Variants in SSH2 observed in about 807,000 individuals in gnomAD.
SSH2 encodes the protein protein phosphatase Slingshot homolog 2.
In SSH2, 37 loss-of-function variants were observed where a neutral mutation model predicts 135.2. The observed-to-expected ratio is 0.27, with a 90% confidence interval of 0.21 to 0.36. The LOEUF (loss-of-function observed/expected upper bound fraction) is 0.36. Among genes scored for constraint, SSH2 ranks in the 10% least tolerant of loss-of-function variants. The pLI is 1.00. For synonymous variants in SSH2, 628 were observed against 646.2 expected (o/e 0.97, Z 0.43); for missense variants, 1,408 against 1,765.3 (o/e 0.80, Z 3.63).
At chr17:29,880,788 T>C (rs1599135006) in intron 1 of SSH2, among the ~76,000 whole-genome samples, 2 of 152,200 alleles carry the variant, frequency 1.3e-5, no homozygotes, top group Admixed American at 6.5e-5. Context: ...TACCTCATAT[T>C]TGAGTAATAC....
intron 13 of SSH2, among the ~76,000 whole-genome samples, chr17:29,650,394 G>A (rs1261884059): frequency 9.9e-5 from 15 of 152,016 alleles, no homozygotes; most frequent in Admixed American, 9.8e-4. Flanking sequence ...TGTATCTTTT[G>A]CTGCAGTTTA....
intron 11 of SSH2, among the ~76,000 whole-genome samples, 175 bp downstream of exon 11, chr17:29,666,692 C>T (rs2037294139): frequency 6.6e-6 from 1 of 152,150 alleles, no homozygotes. Context: ...CACACGCACA[C>T]ACACACTAAA....
At chr17:29,647,335 G>C (rs2150993991) in intron 14 of SSH2, among the ~76,000 whole-genome samples, 1 of 151,100 alleles carries the variant, frequency 6.6e-6, no homozygotes, top group African/African-American at 2.4e-5. Flanking sequence ...CTGGGTGACA[G>C]AGTGAGACCC....
intron 2 of SSH2, among the ~76,000 whole-genome samples, chr17:29,800,854 CTTTTTTTCTTTT>C (rs956460127): frequency 9.4e-5 from 14 of 149,376 alleles, no homozygotes; most frequent in East Asian, 3.9e-4. Flanking sequence ...ACCATTAAGT[CTTTTTTTCTTTT>C]TTTTTTTCTT....
intron 5 of SSH2, among the ~76,000 whole-genome samples, chr17:29,695,084 CCTT>C (rs2038671901): frequency 6.6e-6 from 1 of 152,120 alleles, no homozygotes; most frequent in South Asian, 2.1e-4. Context: ...TTCACTCCCT[CCTT>C]GTCCTTCCCT....
intron 11 of SSH2, among the ~76,000 whole-genome samples, chr17:29,666,321 C>T (rs1362910510): frequency 6.6e-6 from 1 of 152,014 alleles, no homozygotes; most frequent in Non-Finnish European, 1.5e-5. Flanking sequence ...TTGCACTGAG[C>T]TGAGACTGTG....
intron 12 of SSH2, among the ~76,000 whole-genome samples, chr17:29,651,005 G>A (rs1393835086): frequency 6.6e-6 from 1 of 152,038 alleles, no homozygotes; most frequent in Non-Finnish European, 1.5e-5. Flanking sequence ...TGGGCACCAG[G>A]GAATTATTAA....
At chr17:29,776,982 C>T (rs970708165) in intron 3 of SSH2, among the ~76,000 whole-genome samples, 5 of 152,102 alleles carry the variant, frequency 3.3e-5, no homozygotes, top group African/African-American at 7.2e-5. Flanking sequence ...GAGGCTGAGG[C>T]GGGCAGATCA....
chr17:29,670,066 G>C (rs1052807078), intron 9 of SSH2, among the ~76,000 whole-genome samples: 1 of 151,950 alleles, frequency 6.6e-6, no homozygotes, highest in Non-Finnish European at 1.5e-5. Context: ...ATTTTTAGTA[G>C]AGACGGGGTT....
At chr17:29,867,921 G>A (rs910652427) in intron 1 of SSH2, among the ~76,000 whole-genome samples, 1 of 152,140 alleles carries the variant, frequency 6.6e-6, no homozygotes, top group South Asian at 2.1e-4. Context: ...GCTGAACTGG[G>A]GGTAAAGTGA....
At chr17:29,684,832 A>G in intron 5 of SSH2, 148 bp from the exon 6 acceptor site, 1 of 615,684 alleles carries the variant, frequency 1.6e-6, no homozygotes, top group Non-Finnish European at 2.6e-6. Context: ...CTCAGCTCGT[A>G]CACTAGCTAT....
chr17:29,792,618 A>C (rs1267253693), intron 3 of SSH2, among the ~76,000 whole-genome samples: 1 of 152,220 alleles, frequency 6.6e-6, no homozygotes, highest in Non-Finnish European at 1.5e-5. Flanking sequence ...TGTAGTTTAC[A>C]AGAAGGAGGT....
chr17:29,891,968 T>A (rs2066357803), intron 1 of SSH2, among the ~76,000 whole-genome samples: 1 of 152,140 alleles, frequency 6.6e-6, no homozygotes, highest in Admixed American at 6.5e-5. Flanking sequence ...AGAAGCTTTA[T>A]AAAATTAGGA....
At chr17:29,729,727 T>C (rs2040116665) in intron 3 of SSH2, among the ~76,000 whole-genome samples, 1 of 152,198 alleles carries the variant, frequency 6.6e-6, no homozygotes, top group Non-Finnish European at 1.5e-5. Context: ...GTCCTGTCTT[T>C]TGCAACAACA....
chr17:29,649,085 G>C (rs936665282), intron 13 of SSH2, among the ~76,000 whole-genome samples: 1 of 151,732 alleles, frequency 6.6e-6, no homozygotes, highest in African/African-American at 2.4e-5. Context: ...AGGTTGCAGT[G>C]AGCCGAGATG....
chr17:29,766,081 T>TTTA (rs927509409), intron 3 of SSH2, among the ~76,000 whole-genome samples: 2 of 121,648 alleles, frequency 1.6e-5, no homozygotes, highest in Non-Finnish European at 3.8e-5. Context: ...CAAATTCAAA[T>TTTA]TTATTATTAT....
chr17:29,831,487 A>G (rs2042842890), intron 2 of SSH2, among the ~76,000 whole-genome samples: 1 of 152,222 alleles, frequency 6.6e-6, no homozygotes. Flanking sequence ...TTAAGTCTAA[A>G]GTGAATTTTA....
chr17:29,885,715 G>A (rs2066225587), intron 1 of SSH2, among the ~76,000 whole-genome samples: 2 of 152,214 alleles, frequency 1.3e-5, no homozygotes, highest in South Asian at 4.1e-4. Context: ...GAGGGAGCCA[G>A]TGGGAGGTAA....
Position 29,676,676 on chromosome 17 carries a change from T to A in SSH2, c.614+144A>T, listed in dbSNP as rs2037735642. The A allele has an allele frequency of 3.0e-5, 19 of 636,396 alleles. No homozygotes were observed. In the East Asian group the frequency reaches 5.6e-4, roughly 19 times the overall value. The allele number at this position is 636,396 out of a possible 1,614,324, so 39.4% of individuals were successfully genotyped here. ...ATTGCAACAATTTGAATATTGCATTTCTAGGTCATCTTTAACTACGATGGT... is the reference window on the plus strand; with the variant it reads ...ATTGCAACAATTTGAATATTGCATTACTAGGTCATCTTTAACTACGATGGT... On this transcript the variant is annotated intron_variant, in intron 8 of 15. Transcript: ENST00000540801.
Sources: gnomAD v4.1 joint callset for allele counts (sites outside exome capture counted in the v4.1 genomes callset) on GRCh38, gnomAD v4.1.1 for gene constraint, MANE v1.5 for transcripts, NCBI Gene and HGNC (gene_info 2026-07-23, HGNC 2026-07-21) for gene names.